Variants in ACOT8 observed in about 807,000 individuals in gnomAD.
The protein encoded by ACOT8 is acyl-coenzyme A thioesterase 8.
In ACOT8, 31 loss-of-function variants were observed where a neutral mutation model predicts 38.4. The ratio of observed to expected loss-of-function variants is 0.81; its 90% confidence interval spans 0.61 to 1.09. ACOT8 has a LOEUF of 1.09. ACOT8 is among the 50% of genes least tolerant of loss of function. ACOT8 has a pLI of 0.00. For missense variants in ACOT8, 373 were observed against 421.8 expected (o/e 0.88, Z 1.01); for synonymous variants, 158 against 170.3 (o/e 0.93, Z 0.56).
chr20:45,845,493 G>C (rs565832240), intron 3 of ACOT8, among the ~76,000 whole-genome samples: 49 of 152,286 alleles, frequency 3.2e-4, no homozygotes, highest in African/African-American at 1.2e-3. Flanking sequence ...GCTGTGCCCA[G>C]CCACTTCATT....
At chr20:45,853,868 A>C in intron 2 of ACOT8, 1 of 1,228,200 alleles carries the variant, frequency 8.1e-7, no homozygotes, top group Non-Finnish European at 1.1e-6. Context: ...GATAACTTTC[A>C]TATTTACAAA....
chr20:45,843,897 G>T (rs550120835), intron 4 of ACOT8, 176 bp from the exon 5 acceptor site: 2 of 1,302,572 alleles, frequency 1.5e-6, no homozygotes, highest in South Asian at 1.5e-5. Context: ...ACTTGGGGAG[G>T]GCAGGGGTGA....
chr20:45,856,214 T>C lies in ACOT8; in HGVS notation c.129-922A>G, dbSNP rs1383247405. On this transcript the variant is annotated intron_variant, in intron 1 of 5. Coordinates refer to ENST00000217455, the MANE Select transcript of ACOT8 (RefSeq NM_005469.4). The stretch of plus-strand genomic sequence containing the variant: ...AGGAGGTCGAGGTTGCAGTGAGCCA[T>C]GTTCGTGCCACTGCACTCCAGCCTG... Among the ~76,000 whole-genome samples the C allele has an allele frequency of 7.9e-5, 12 of 151,796 alleles. 1 individual carries two copies. The South Asian group carries it at 2.5e-3, about 32-fold the overall frequency.
rs770481384 is a variant in ACOT8, at chr20:45,844,141, TC to T, written c.646+121del. 6 of 1,382,188 alleles carry T rather than the reference TC, an allele frequency of 4.3e-6. No homozygotes were observed. In the Middle Eastern group the frequency reaches 5.4e-4, roughly 124 times the overall value. 85.6% of individuals were successfully genotyped at this position (1,382,188 alleles called of 1,614,324 possible). A position where few individuals can be genotyped will look rare whatever the true frequency, so the allele number is the denominator to read the frequency against. ...GCCCAGGTGAGAAGCTAAGCCAACT[TC>T]CCCATCATGCAGATAAGGAAACAGG... On this transcript the variant is annotated intron_variant, in intron 4 of 5. Coordinates refer to ENST00000217455, the MANE Select transcript of ACOT8 (RefSeq NM_005469.4).
chr20:45,844,165 A>G (rs779406928), intron 4 of ACOT8, 98 bp downstream of exon 4: 29 of 1,519,786 alleles, frequency 1.9e-5, no homozygotes, highest in Non-Finnish European at 2.5e-5. Flanking sequence ...ATAAGGAAAC[A>G]GGCCCAGAGA....
chr20:45,853,221 G>A (rs1251406212), intron 2 of ACOT8, among the ~76,000 whole-genome samples: 2 of 152,328 alleles, frequency 1.3e-5, no homozygotes, highest in East Asian at 1.9e-4. Context: ...GCCCAAGAGC[G>A]AAGCAAAGAA....
chr20:45,853,634 A>AT (rs950040891), intron 2 of ACOT8: 61 of 218,844 alleles, frequency 2.8e-4, no homozygotes, highest in African/African-American at 1.2e-3. Flanking sequence ...GGCTGGAAGG[A>AT]TTACAATATC....
At chr20:45,853,062 C>A (rs1336703338) in intron 2 of ACOT8, among the ~76,000 whole-genome samples, 1 of 152,246 alleles carries the variant, frequency 6.6e-6, no homozygotes, top group Non-Finnish European at 1.5e-5. Flanking sequence ...AGCCACCACG[C>A]CCGGCCAAAT....
chr20:45,845,953 TC>T (rs959958997), intron 3 of ACOT8, among the ~76,000 whole-genome samples: 2 of 151,552 alleles, frequency 1.3e-5, no homozygotes, highest in African/African-American at 4.9e-5. Context: ...TGCCTCAGCC[TC>T]CTGAGTAGCT....
intron 3 of ACOT8, among the ~76,000 whole-genome samples, chr20:45,845,712 T>C (rs1034004995): frequency 2.6e-5 from 4 of 152,300 alleles, no homozygotes; most frequent in South Asian, 4.1e-4. Flanking sequence ...CCTATGATGA[T>C]GGAATGCCTA....
At chr20:45,851,299 G>A (rs1389195351) in intron 2 of ACOT8, among the ~76,000 whole-genome samples, 1 of 152,152 alleles carries the variant, frequency 6.6e-6, no homozygotes, top group Non-Finnish European at 1.5e-5. Flanking sequence ...ACTAGACAAA[G>A]TTACTTGTGC....
chr20:45,842,056 G>C, intron 5 of ACOT8, 100 bp from the exon 6 acceptor site: 1 of 1,545,464 alleles, frequency 6.5e-7, no homozygotes, highest in Non-Finnish European at 8.7e-7. Flanking sequence ...TGCCAGGCTG[G>C]TCTCAAGCGC....
chr20:45,845,814 T>C (rs1211828912), intron 3 of ACOT8, among the ~76,000 whole-genome samples: 4 of 151,806 alleles, frequency 2.6e-5, no homozygotes, highest in African/African-American at 7.3e-5. Context: ...AATTGTTCAT[T>C]CTACTGACTT....
At position 45,841,922 on chromosome 20, in the gene ACOT8, C is replaced by A. The variant is rs776641728; in HGVS notation, c.876G>T (p.Trp292Cys). The A allele has an allele frequency of 6.2e-7, 1 of 1,613,192 alleles. No homozygotes were observed. The highest frequency in any genetic ancestry group is 1.1e-5 in the South Asian group (1 of 90,968). The change falls in exon 6 of 6, where the codon TGG becomes TGT. Residue 292 changes from tryptophan to cysteine, a missense_variant. By Grantham distance (215) the Trp-to-Cys change is radical. Transcript: ENST00000217455. The stretch of plus-strand genomic sequence containing the variant: ...TCACAGCTAGGACTCCATCCTGACG[C>A]CACAGCCGCCCATGGACCAGCCCCC... ...GSRGLVHGRL[W>C]RQDGVLAVTC...
chr20:45,854,409 AC>A (rs1985273871), intron 2 of ACOT8, among the ~76,000 whole-genome samples: 1 of 152,068 alleles, frequency 6.6e-6, no homozygotes, highest in Non-Finnish European at 1.5e-5. Context: ...ACGGGGTTTC[AC>A]CGTGTTAGCT....
intron 1 of ACOT8, among the ~76,000 whole-genome samples, chr20:45,856,762 G>A (rs1985473151): frequency 6.6e-6 from 1 of 152,220 alleles, no homozygotes; most frequent in Non-Finnish European, 1.5e-5. Flanking sequence ...CTCAGAATAA[G>A]TAATGAGAAA....
At chr20:45,852,082 C>T (rs1985100051) in intron 2 of ACOT8, among the ~76,000 whole-genome samples, 1 of 152,034 alleles carries the variant, frequency 6.6e-6, no homozygotes, top group Non-Finnish European at 1.5e-5. Flanking sequence ...CTCCAGCCGC[C>T]GGGTTCAAGC....
intron 5 of ACOT8, 160 bp from the exon 6 acceptor site, chr20:45,842,116 C>T (rs1167554303): frequency 2.0e-6 from 3 of 1,534,178 alleles, no homozygotes; most frequent in African/African-American, 1.4e-5. Context: ...GCTGGGATTA[C>T]AGGCGCACAT....
chr20:45,846,945 C>T (rs1239149860), intron 3 of ACOT8, among the ~76,000 whole-genome samples: 5 of 152,248 alleles, frequency 3.3e-5, no homozygotes, highest in African/African-American at 9.6e-5. Context: ...CGGTGGCTCA[C>T]GCCTGTAATC....
Sources: allele counts gnomAD v4.1 joint callset (sites outside exome capture counted in the v4.1 genomes callset), GRCh38; gene constraint gnomAD v4.1.1; transcripts MANE v1.5; gene names NCBI Gene and HGNC (gene_info 2026-07-23, HGNC 2026-07-21).